The following CPNE5 variants were observed in gnomAD, a reference collection of about 807,000 sequenced individuals.
CPNE5 encodes the protein copine 5.
In CPNE5, 42 loss-of-function variants were observed where a neutral mutation model predicts 81.1. The ratio of observed to expected loss-of-function variants is 0.52; its 90% confidence interval spans 0.40 to 0.67. CPNE5 has a LOEUF of 0.67. Among genes scored for constraint, CPNE5 ranks in the 30% least tolerant of loss-of-function variants. CPNE5 has a pLI of 0.00. For synonymous variants in CPNE5, 313 were observed against 321.5 expected (o/e 0.97, Z 0.28); for missense variants, 612 against 815.5 (o/e 0.75, Z 3.04).
chr6:36,796,811 C>T (rs114981983), intron 6 of CPNE5, among the ~76,000 whole-genome samples: 1,740 of 152,156 alleles, frequency 0.011, 14 homozygotes, highest in African/African-American at 0.014. Context: ...CTTTTGGGGG[C>T]CAAGGAAACA....
chr6:36,813,534 C>A (rs539553706), intron 3 of CPNE5, among the ~76,000 whole-genome samples: 17 of 152,250 alleles, frequency 1.1e-4, no homozygotes, highest in African/African-American at 3.9e-4. Flanking sequence ...CCATCTCAAA[C>A]AAAACAAAAT....
rs533446068 is a variant in CPNE5, at chr6:36,748,752, T to C, written c.972-485A>G. On this transcript the variant is annotated intron_variant, in intron 14 of 20. Coordinates refer to ENST00000244751, the MANE Select transcript of CPNE5 (RefSeq NM_020939.2). ...ACCAAAAAATTGAACCTGATTCTGATTGAGGCTCCAGAGCTGTCTAGTTAG... is the reference window on the plus strand; with the variant it reads ...ACCAAAAAATTGAACCTGATTCTGACTGAGGCTCCAGAGCTGTCTAGTTAG... Among the ~76,000 whole-genome samples the C allele has an allele frequency of 2.6e-5, 4 of 152,320 alleles. 1 individual carries two copies. The South Asian group carries it at 8.3e-4, about 32-fold the overall frequency.
Position 36,742,495 on chromosome 6 carries a change from T to C in CPNE5, c.1564-9A>G, listed in dbSNP as rs564185716. The C allele has an allele frequency of 6.2e-7, 1 of 1,607,112 alleles. No homozygotes were observed. The highest frequency in any genetic ancestry group is 2.2e-5 in the East Asian group (1 of 44,774). Reference sequence around the variant, plus strand: ...TCCCGGAAGGGTACAAACTGGCAAGTGGGAGGGCAGGGTCAGGCAGTGCCT... The same window carrying C: ...TCCCGGAAGGGTACAAACTGGCAAGCGGGAGGGCAGGGTCAGGCAGTGCCT... On this transcript the variant is annotated splice_polypyrimidine_tract_variant and intron_variant, in intron 20 of 20. Coordinates refer to ENST00000244751, the MANE Select transcript of CPNE5 (RefSeq NM_020939.2).
intron 4 of CPNE5, among the ~76,000 whole-genome samples, chr6:36,799,138 C>T (rs971542591): frequency 6.6e-6 from 1 of 152,166 alleles, no homozygotes; most frequent in African/African-American, 2.4e-5. Context: ...CTCCCACCCA[C>T]CCACTGGCAT....
intron 15 of CPNE5, among the ~76,000 whole-genome samples, chr6:36,747,937 G>T (rs1206381150): frequency 6.6e-6 from 1 of 152,214 alleles, no homozygotes; most frequent in African/African-American, 2.4e-5. Flanking sequence ...CATCTCCAGG[G>T]CCCTCCATAG....
In CPNE5 at chr6:36,820,713, G is replaced by T. The variant is rs10456085; in HGVS notation, c.183+1401C>A. ...CCAGCAGTTCGGGAGGCAAAGGCAG[G>T]AGGATTGCTTGAGTCCAGGAGTTCC... On this transcript the variant is annotated intron_variant, in intron 3 of 20. Coordinates refer to ENST00000244751, the MANE Select transcript of CPNE5 (RefSeq NM_020939.2). 2.5e-3 allele frequency among the ~76,000 whole-genome samples: 381 copies of T among 152,062 alleles called. 1 individual carries two copies. The highest frequency in any genetic ancestry group is 4.2e-3 in the Non-Finnish European group (288 of 67,984).
At chr6:36,752,013 G>A (rs1764895483) in intron 14 of CPNE5, among the ~76,000 whole-genome samples, 1 of 151,948 alleles carries the variant, frequency 6.6e-6, no homozygotes, top group African/African-American at 2.4e-5. Flanking sequence ...AGTGACTGGA[G>A]GCAGGGTGTG....
chr6:36,834,384 G>A (rs112396446), intron 1 of CPNE5, among the ~76,000 whole-genome samples: 3,097 of 151,862 alleles, frequency 0.02, 90 homozygotes, highest in East Asian at 0.12. Context: ...GGCTGGGTGC[G>A]GTAGCTCATG....
chr6:36,785,007 A>G (rs1768401154), intron 8 of CPNE5, among the ~76,000 whole-genome samples: 1 of 152,102 alleles, frequency 6.6e-6, no homozygotes, highest in East Asian at 1.9e-4. Context: ...GGAATCAATC[A>G]CAGAGAAGAT....
intron 14 of CPNE5, among the ~76,000 whole-genome samples, 176 bp from the exon 15 acceptor site, chr6:36,748,443 C>A (rs1377149558): frequency 6.6e-6 from 1 of 152,176 alleles, no homozygotes; most frequent in Non-Finnish European, 1.5e-5. Flanking sequence ...GCCAGCTATG[C>A]CCCCCTTACA....
chr6:36,821,338 C>T (rs751463896), intron 3 of CPNE5, among the ~76,000 whole-genome samples: 4 of 151,838 alleles, frequency 2.6e-5, no homozygotes, highest in Admixed American at 1.3e-4. Context: ...CATGAAGGGA[C>T]GGTGCTTTTG....
chr6:36,794,175 G>A (rs558969961), intron 7 of CPNE5, among the ~76,000 whole-genome samples: 87 of 151,314 alleles, frequency 5.7e-4, no homozygotes, highest in African/African-American at 2.0e-3. Context: ...AGGGGAACAG[G>A]GGGGAAAGGA....
At chr6:36,798,578 C>T (rs1028622754) in intron 4 of CPNE5, 84 bp from the exon 5 acceptor site, 4 of 1,255,068 alleles carry the variant, frequency 3.2e-6, no homozygotes, top group Non-Finnish European at 4.7e-6. Context: ...AGTCAGGGCC[C>T]CTGTCCCCCA....
At chr6:36,773,131 C>G (rs1767188311) in intron 10 of CPNE5, among the ~76,000 whole-genome samples, 1 of 152,134 alleles carries the variant, frequency 6.6e-6, no homozygotes, top group African/African-American at 2.4e-5. Flanking sequence ...CCCATCTCAG[C>G]CTCCCAAAGT....
Position 36,755,876 on chromosome 6 carries a change from C to T in CPNE5, c.909+369G>A, listed in dbSNP as rs151069172. On this transcript the variant is annotated intron_variant, in intron 13 of 20. Coordinates refer to ENST00000244751, the MANE Select transcript of CPNE5 (RefSeq NM_020939.2). ...GCAGCCTTGGTTTCCTCTTTCATGACTAGGGGATGATAATATCTGCCTCTC... is the reference window on the plus strand; with the variant it reads ...GCAGCCTTGGTTTCCTCTTTCATGATTAGGGGATGATAATATCTGCCTCTC... 2.6e-3 allele frequency: 702 copies of T among 269,772 alleles called. 4 individuals are homozygous for T. The highest frequency in any genetic ancestry group is 0.015 in the African/African-American group (654 of 44,356). The allele number at this position is 269,772 out of a possible 1,614,324, so 16.7% of individuals were successfully genotyped here. A position where few individuals can be genotyped will look rare whatever the true frequency, so the allele number is the denominator to read the frequency against.
chr6:36,752,257 C>A (rs1439573873), intron 14 of CPNE5, among the ~76,000 whole-genome samples: 1 of 152,186 alleles, frequency 6.6e-6, no homozygotes, highest in Non-Finnish European at 1.5e-5. Context: ...GCTGCCCACG[C>A]CCTGACCTGG....
intron 10 of CPNE5, among the ~76,000 whole-genome samples, chr6:36,769,106 T>G (rs1766834494): frequency 1.3e-5 from 2 of 152,312 alleles, no homozygotes; most frequent in Middle Eastern, 3.4e-3. Context: ...GGCCCGGGAT[T>G]TTTGTTTGTT....
rs776054631 is a variant in CPNE5, at chr6:36,743,717, C to T, written c.1535G>A (p.Gly512Glu). 6 of 1,613,454 alleles carry T rather than the reference C, an allele frequency of 3.7e-6. No individual in the cohort carries two copies. The highest frequency in any genetic ancestry group is 5.1e-6 in the Non-Finnish European group (6 of 1,180,004). ...GACGATGTCGCGTTCAGCCAGCTTCCCCCGGGAGGAGATCCGCACGTCGTC... is the reference window on the plus strand; with the variant it reads ...GACGATGTCGCGTTCAGCCAGCTTCTCCCGGGAGGAGATCCGCACGTCGTC... ...DGDDVRISSR[G>E]KLAERDIVQF... Residue 512 changes from glycine to glutamate, a missense_variant, in exon 20 of 21, where the codon GGG becomes GAG. By Grantham distance (98) the Gly-to-Glu change is moderately conservative. Transcript: ENST00000244751.
intron 3 of CPNE5, among the ~76,000 whole-genome samples, chr6:36,815,538 A>G (rs1464086118): frequency 6.6e-6 from 1 of 152,200 alleles, no homozygotes; most frequent in African/African-American, 2.4e-5. Context: ...CTCACCAGAC[A>G]TTGAATTTGC....
Sources: allele counts gnomAD v4.1 joint callset (sites outside exome capture counted in the v4.1 genomes callset), GRCh38; gene constraint gnomAD v4.1.1; transcripts MANE v1.5; gene names NCBI Gene and HGNC (gene_info 2026-07-23, HGNC 2026-07-21).